Variants in IGF1R observed in about 807,000 individuals in gnomAD.
IGF1R encodes the protein insulin like growth factor 1 receptor.
In IGF1R, 44 loss-of-function variants were observed where a neutral mutation model predicts 144.6. The observed-to-expected ratio is 0.30, with a 90% CI of 0.24 to 0.39. The LOEUF (loss-of-function observed/expected upper bound fraction) is 0.39. Among genes scored for constraint, IGF1R ranks in the 10% least tolerant of loss-of-function variants. IGF1R has a pLI of 1.00. For synonymous variants in IGF1R, 795 were observed against 722.8 expected (o/e 1.10, Z -1.60); for missense variants, 1,355 against 1,833.7 (o/e 0.74, Z 4.77).
intron 1 of IGF1R, among the ~76,000 whole-genome samples, chr15:98,683,385 T>C (rs891210516): frequency 3.9e-5 from 6 of 152,218 alleles, no homozygotes; most frequent in Non-Finnish European, 8.8e-5. Context: ...TGAGGTCTCC[T>C]CCTTTAGTCC....
In IGF1R at chr15:98,957,054, G is replaced by C. The variant is rs780199073; in HGVS notation, c.3723-7G>C. 1 of 1,614,148 alleles carries C rather than the reference G, an allele frequency of 6.2e-7. No homozygotes were observed. Among genetic ancestry groups the C allele is most frequent in the Non-Finnish European group, 8.5e-7 (1 of 1,180,038 alleles). ...TTTGGACCCCCTCCCGTGTGTCTTG[G>C]CTGCAGGTTTGAACTGATGCGCATG... is the stretch of plus-strand genomic sequence containing the variant. On this transcript the variant is annotated splice_polypyrimidine_tract_variant and splice_region_variant and intron_variant, in intron 20 of 20. Transcript: ENST00000650285.
intron 11 of IGF1R, among the ~76,000 whole-genome samples, chr15:98,923,435 G>A (rs977547877): frequency 5.9e-5 from 9 of 152,368 alleles, no homozygotes; most frequent in Non-Finnish European, 1.0e-4. Context: ...GGCAGGCCCC[G>A]TGTCCTGCTT....
chr15:98,709,033 T>C (rs1289393062), intron 2 of IGF1R, among the ~76,000 whole-genome samples: 5 of 152,224 alleles, frequency 3.3e-5, no homozygotes, highest in South Asian at 2.1e-4. Flanking sequence ...CTTCACCTTA[T>C]TGCATTCAGC....
chr15:98,824,621 C>T (rs539571523), intron 2 of IGF1R, among the ~76,000 whole-genome samples: 2 of 152,342 alleles, frequency 1.3e-5, no homozygotes, highest in South Asian at 2.1e-4. Flanking sequence ...TCTGAAGGTT[C>T]TGCCAAAAGG....
intron 19 of IGF1R, 124 bp downstream of exon 19, chr15:98,943,176 T>TGGCTCACACAACAC: frequency 9.1e-7 from 1 of 1,100,634 alleles, no homozygotes; most frequent in Non-Finnish European, 1.4e-6. Context: ...TAGCTCAGTG[T>TGGCTCACACAACAC]TGTGTGAGCC....
chr15:98,895,393 C>G (rs2014142670), intron 3 of IGF1R, among the ~76,000 whole-genome samples: 1 of 150,214 alleles, frequency 6.7e-6, no homozygotes, highest in African/African-American at 2.5e-5. Context: ...TTTTGTGACT[C>G]TATAATTATT....
chr15:98,960,880 C>T lies in IGF1R; in HGVS notation c.*3438C>T, dbSNP rs1414986341. 1.7e-5 allele frequency: 4 copies of T among 233,828 alleles called. No individual in the cohort carries two copies. Among genetic ancestry groups the T allele is most frequent in the Admixed American group, 5.6e-5 (1 of 17,784 alleles). The allele number at this position is 233,828 out of a possible 1,614,324, so 14.5% of individuals were successfully genotyped here. A position where few individuals can be genotyped will look rare whatever the true frequency, so the allele number is the denominator to read the frequency against. On this transcript the variant is annotated 3_prime_UTR_variant, in exon 21 of 21. Coordinates refer to ENST00000650285, the MANE Select transcript of IGF1R (RefSeq NM_000875.5). Reference sequence around the variant, plus strand: ...ACCTTCCGGCTGGAAAGCCCAGTGGCCGGCGCCGAGGCTCGTGGCGTCACG... The same window carrying T: ...ACCTTCCGGCTGGAAAGCCCAGTGGTCGGCGCCGAGGCTCGTGGCGTCACG...
intron 2 of IGF1R, among the ~76,000 whole-genome samples, chr15:98,775,997 A>G (rs1736834934): frequency 6.6e-6 from 1 of 152,148 alleles, no homozygotes; most frequent in South Asian, 2.1e-4. Context: ...CCAAGTACGC[A>G]GCCTTCTTTC....
intron 2 of IGF1R, among the ~76,000 whole-genome samples, chr15:98,787,800 G>A (rs923888489): frequency 6.6e-6 from 1 of 152,200 alleles, no homozygotes; most frequent in Admixed American, 6.5e-5. Flanking sequence ...GGAACACTCA[G>A]CTGGAGGTGT....
chr15:98,746,233 G>A (rs1239480186), intron 2 of IGF1R, among the ~76,000 whole-genome samples: 1 of 152,204 alleles, frequency 6.6e-6, no homozygotes, highest in Non-Finnish European at 1.5e-5. Context: ...ATTCACCGGG[G>A]TAGGTGGGGA....
At chr15:98,800,152 T>G (rs2056331659) in intron 2 of IGF1R, among the ~76,000 whole-genome samples, 1 of 152,158 alleles carries the variant, frequency 6.6e-6, no homozygotes, top group South Asian at 2.1e-4. Context: ...CTTGTTGAGT[T>G]GCACAAACCA....
At chr15:98,802,561 A>C (rs2056385146) in intron 2 of IGF1R, among the ~76,000 whole-genome samples, 1 of 152,238 alleles carries the variant, frequency 6.6e-6, no homozygotes, top group African/African-American at 2.4e-5. Context: ...TGTGTACAGG[A>C]TTTGAACTTA....
chr15:98,831,775 G>T (rs1468719662), intron 2 of IGF1R, among the ~76,000 whole-genome samples: 1 of 152,170 alleles, frequency 6.6e-6, no homozygotes, highest in Admixed American at 6.5e-5. Context: ...ACTTGTAAAT[G>T]ATGCTCTTTA....
At chr15:98,953,422 G>A (rs781616303) in intron 20 of IGF1R, among the ~76,000 whole-genome samples, 3 of 152,096 alleles carry the variant, frequency 2.0e-5, no homozygotes, top group South Asian at 2.1e-4. Flanking sequence ...GACAAAGCCC[G>A]TCCTCAGCCT....
intron 2 of IGF1R, among the ~76,000 whole-genome samples, chr15:98,793,333 A>G (rs1596308916): frequency 6.6e-6 from 1 of 152,236 alleles, no homozygotes; most frequent in East Asian, 1.9e-4. Context: ...TTTTAAAAGC[A>G]TCTTTGAAGG....
At chr15:98,795,560 A>G (rs779568799) in intron 2 of IGF1R, among the ~76,000 whole-genome samples, 31 of 152,028 alleles carry the variant, frequency 2.0e-4, no homozygotes, top group Non-Finnish European at 4.1e-4. Context: ...GACTGCAGGC[A>G]CCCGCAACCA....
intron 2 of IGF1R, among the ~76,000 whole-genome samples, chr15:98,835,862 T>G (rs1299488200): frequency 2.0e-5 from 3 of 152,256 alleles, no homozygotes; most frequent in Admixed American, 2.0e-4. Flanking sequence ...GTATTTGTTT[T>G]GGGCTCTAGC....
intron 1 of IGF1R, among the ~76,000 whole-genome samples, chr15:98,674,817 T>G (rs1440777828): frequency 1.3e-5 from 2 of 152,066 alleles, no homozygotes; most frequent in African/African-American, 4.8e-5. Flanking sequence ...CTTATATGTG[T>G]ATCTATATAT....
chr15:98,928,476 C>T (rs755753859), intron 13 of IGF1R, among the ~76,000 whole-genome samples: 8 of 152,336 alleles, frequency 5.3e-5, no homozygotes, highest in African/African-American at 1.7e-4. Context: ...TGAAAGCTTT[C>T]GCTGACTCCT....
Sources: gnomAD v4.1 joint callset for allele counts (sites outside exome capture counted in the v4.1 genomes callset) on GRCh38, gnomAD v4.1.1 for gene constraint, MANE v1.5 for transcripts, NCBI Gene and HGNC (gene_info 2026-07-23, HGNC 2026-07-21) for gene names.